Variants in RAB31 observed in about 807,000 individuals in gnomAD.
RAB31 encodes the protein RAB31, member RAS oncogene family.
RAB31 carries 21 observed loss-of-function variants against 25.6 expected under a neutral mutation model. That is an observed-to-expected ratio of 0.82 (90% confidence interval 0.58 to 1.18). RAB31 has a LOEUF of 1.18. Among genes scored for constraint, RAB31 ranks in the 50% most tolerant of loss-of-function variants. The probability of loss-of-function intolerance (pLI) is 0.00; values close to 1 mark genes in which losing one functional copy is unlikely to be tolerated. For missense variants in RAB31, 196 were observed against 250.1 expected (o/e 0.78, Z 1.46); for synonymous variants, 87 against 84.0 (o/e 1.04, Z -0.20).
At chr18:9,807,497 T>C (rs913047020) in intron 3 of RAB31, among the ~76,000 whole-genome samples, 1 of 152,242 alleles carries the variant, frequency 6.6e-6, no homozygotes, top group South Asian at 2.1e-4. Flanking sequence ...GGCATAGTTC[T>C]GGAGTTTTAG....
intron 3 of RAB31, among the ~76,000 whole-genome samples, chr18:9,813,641 C>T (rs1375253044): frequency 2.0e-5 from 3 of 152,054 alleles, no homozygotes; most frequent in African/African-American, 7.2e-5. Flanking sequence ...CACCTGAGGT[C>T]AGGAGTTTGA....
intron 2 of RAB31, among the ~76,000 whole-genome samples, chr18:9,781,467 C>T (rs2068404008): frequency 1.3e-5 from 2 of 152,202 alleles, no homozygotes; most frequent in Non-Finnish European, 2.9e-5. Context: ...CAGGCACTCG[C>T]CTCCACGCCT....
intron 1 of RAB31, among the ~76,000 whole-genome samples, chr18:9,744,869 A>T (rs4798839): frequency 3.8e-4 from 58 of 152,118 alleles, no homozygotes; most frequent in Non-Finnish European, 7.4e-4. Flanking sequence ...AAAAAGAGAA[A>T]GACTTCAAAT....
At chr18:9,714,918 T>C (rs1272073645) in intron 1 of RAB31, among the ~76,000 whole-genome samples, 3 of 152,160 alleles carry the variant, frequency 2.0e-5, no homozygotes, top group African/African-American at 7.2e-5. Flanking sequence ...CTGACTGTCA[T>C]CCCGCTTAGT....
At position 9,859,807 on chromosome 18, in the gene RAB31, G is replaced by A. The variant is rs1452146581; in HGVS notation, c.*482G>A. The stretch of plus-strand genomic sequence containing the variant: ...GGTTAGTTTTTAGCTAGCTTTGGAA[G>A]TAAGCCTTTATTTATTACTTTTTGG... On this transcript the variant is annotated 3_prime_UTR_variant, in exon 7 of 7. Transcript: ENST00000578921. The A allele has an allele frequency of 5.9e-5, 9 of 152,464 alleles. No individual in the cohort carries two copies. The highest frequency in any genetic ancestry group is 2.2e-4 in the African/African-American group (9 of 41,440). 9.4% of individuals were successfully genotyped at this position (152,464 alleles called of 1,614,324 possible).
intron 4 of RAB31, among the ~76,000 whole-genome samples, 153 bp downstream of exon 4, chr18:9,814,244 T>A (rs2068589926): frequency 6.6e-6 from 1 of 152,192 alleles, no homozygotes; most frequent in Admixed American, 6.5e-5. Context: ...CATCCCATAT[T>A]TATCTGCTAA....
At position 9,792,199 on chromosome 18, in the gene RAB31, C is replaced by T; in HGVS notation, c.165C>T (p.His55=). The T allele has an allele frequency of 6.2e-7, 1 of 1,612,568 alleles. No homozygotes were observed. Among genetic ancestry groups the T allele is most frequent in the Non-Finnish European group, 8.5e-7 (1 of 1,179,310 alleles). Residue 55 remains histidine, a synonymous_variant, in exon 3 of 7, where the codon CAC becomes CAT. Transcript: ENST00000578921. ...CTGTGCCTTGTGGAAATGAACTTCACAAGTTCCTCATCTGGGACACTGCTG... is the reference window on the plus strand; with the variant it reads ...CTGTGCCTTGTGGAAATGAACTTCATAAGTTCCTCATCTGGGACACTGCTG... The part of the protein sequence containing the change: ...TKTVPCGNEL[H]KFLIWDTAGQ...
intron 3 of RAB31, among the ~76,000 whole-genome samples, chr18:9,793,490 G>A (rs1257427570): frequency 1.3e-5 from 2 of 151,994 alleles, no homozygotes; most frequent in Non-Finnish European, 2.9e-5. Flanking sequence ...GTGAAACCCT[G>A]TCTCTACTAA....
At chr18:9,716,546 C>T (rs1439634876) in intron 1 of RAB31, among the ~76,000 whole-genome samples, 15 of 151,916 alleles carry the variant, frequency 9.9e-5, no homozygotes, top group Admixed American at 9.8e-4. Context: ...AGTGGGCTGG[C>T]GGGGGTGACA....
chr18:9,803,169 C>T (rs1599045027), intron 3 of RAB31, among the ~76,000 whole-genome samples: 1 of 152,184 alleles, frequency 6.6e-6, no homozygotes, highest in South Asian at 2.1e-4. Flanking sequence ...GGATAGAGTA[C>T]ATGCGAGTTT....
chr18:9,740,872 C>G (rs1465510384), intron 1 of RAB31, among the ~76,000 whole-genome samples: 1 of 152,164 alleles, frequency 6.6e-6, no homozygotes, highest in Non-Finnish European at 1.5e-5. Flanking sequence ...GCACAGGGGT[C>G]TCTAATGGCA....
intron 5 of RAB31, among the ~76,000 whole-genome samples, chr18:9,825,557 G>A (rs2068645650): frequency 6.6e-6 from 1 of 152,186 alleles, no homozygotes; most frequent in Non-Finnish European, 1.5e-5. Context: ...GATTCAATAG[G>A]AAGAGGCAGG....
intron 1 of RAB31, among the ~76,000 whole-genome samples, chr18:9,724,395 C>T (rs1218896550): frequency 2.0e-5 from 3 of 151,976 alleles, no homozygotes; most frequent in East Asian, 1.9e-4. Context: ...TTTGCATCAG[C>T]GCTTTGCTTC....
At chr18:9,750,854 C>A (rs554627753) in intron 1 of RAB31, among the ~76,000 whole-genome samples, 26 of 152,270 alleles carry the variant, frequency 1.7e-4, no homozygotes, top group African/African-American at 6.0e-4. Context: ...AATCTTCCTG[C>A]CTGCTTGAGA....
At chr18:9,758,888 A>G (rs2068273256) in intron 1 of RAB31, among the ~76,000 whole-genome samples, 1 of 152,188 alleles carries the variant, frequency 6.6e-6, no homozygotes, top group South Asian at 2.1e-4. Flanking sequence ...AGTGCAGCAC[A>G]GTGGCTGGGA....
At position 9,760,924 on chromosome 18, in the gene RAB31, C is replaced by G. The variant is rs955692445; in HGVS notation, c.40-14354C>G. 5.9e-5 allele frequency among the ~76,000 whole-genome samples: 9 copies of G among 152,038 alleles called. No individual in the cohort carries two copies. In the East Asian group the frequency reaches 1.5e-3, roughly 26 times the overall value. On this transcript the variant is annotated intron_variant, in intron 1 of 6. Transcript: ENST00000578921. Reference sequence around the variant, plus strand: ...AAATGACATAACGCTTCACAGGGAGCTGTTTTAATGGCTACTCAAAGCAAC... The same window carrying G: ...AAATGACATAACGCTTCACAGGGAGGTGTTTTAATGGCTACTCAAAGCAAC...
rs141648217 is a variant in RAB31, at chr18:9,858,903, G to A, written c.491-325G>A. ...GGAAGGCAGGGAGAGGGAAGAGCGC[G>A]CTGATGAGCGGAGGCTGGATGGGAG... On this transcript the variant is annotated intron_variant, in intron 6 of 6. Transcript: ENST00000578921. 8.4e-3 allele frequency among the ~76,000 whole-genome samples: 1,281 copies of A among 152,218 alleles called. 11 individuals carry two copies. The highest frequency in any genetic ancestry group is 0.055 in the South Asian group (265 of 4,812).
chr18:9,848,436 C>T (rs1347347639), intron 6 of RAB31, among the ~76,000 whole-genome samples: 1 of 152,212 alleles, frequency 6.6e-6, no homozygotes, highest in African/African-American at 2.4e-5. Context: ...GTCCATCTGT[C>T]CGCCTGTCTA....
intron 2 of RAB31, among the ~76,000 whole-genome samples, chr18:9,780,721 G>A (rs977331012): frequency 3.9e-5 from 6 of 152,010 alleles, no homozygotes; most frequent in Non-Finnish European, 7.4e-5. Context: ...ACCTGAAGTC[G>A]GGAGTTCAAG....
Sources: gnomAD v4.1 joint callset for allele counts (sites outside exome capture counted in the v4.1 genomes callset) on GRCh38, gnomAD v4.1.1 for gene constraint, MANE v1.5 for transcripts, NCBI Gene and HGNC (gene_info 2026-07-23, HGNC 2026-07-21) for gene names.